NCAM2: variants seen among roughly 807,000 people sequenced by gnomAD.
NCAM2 encodes N-CAM-2.
Under a neutral mutation model 98.1 loss-of-function variants are expected in NCAM2, and 30 were observed. The ratio of observed to expected loss-of-function variants is 0.31; its 90% CI spans 0.23 to 0.41. The LOEUF is 0.41. NCAM2 is among the 10% of genes least tolerant of loss of function. NCAM2 has a pLI of 1.00. For missense variants in NCAM2, 867 were observed against 1,005.8 expected (o/e 0.86, Z 1.87); for synonymous variants, 368 against 342.4 (o/e 1.07, Z -0.83).
intron 1 of NCAM2, among the ~76,000 whole-genome samples, chr21:21,066,081 C>A (rs1451776857): frequency 6.6e-6 from 1 of 152,146 alleles, no homozygotes; most frequent in Non-Finnish European, 1.5e-5. Flanking sequence ...ATTGGAGACA[C>A]AAGGACGATA....
chr21:21,264,961 G>GTCTGTA (rs1568854824), intron 1 of NCAM2, among the ~76,000 whole-genome samples: 5 of 28,430 alleles, frequency 1.8e-4, no homozygotes, highest in East Asian at 3.0e-3. Context: ...ATGTGTATGT[G>GTCTGTA]TATATATACA....
intron 1 of NCAM2, among the ~76,000 whole-genome samples, chr21:21,058,210 GA>G (rs58161536): frequency 0.88 from 131,324 of 148,400 alleles, 58,429 homozygotes; most frequent in Middle Eastern, 0.96. Flanking sequence ...AAAGGGCAAA[GA>G]AAAAAAACAA....
intron 1 of NCAM2, among the ~76,000 whole-genome samples, chr21:21,133,831 G>A (rs1395610945): frequency 6.6e-6 from 1 of 152,092 alleles, no homozygotes; most frequent in Admixed American, 6.6e-5. Context: ...TTTCACTGGA[G>A]GAATAGGAAC....
At chr21:21,473,514 C>T (rs1335518700) in intron 14 of NCAM2, among the ~76,000 whole-genome samples, 1 of 150,858 alleles carries the variant, frequency 6.6e-6, no homozygotes, top group Non-Finnish European at 1.5e-5. Flanking sequence ...ACCATGCTAC[C>T]AGGGAATCCA....
chr21:21,335,505 G>T lies in NCAM2; in HGVS notation c.738G>T (p.Arg246Ser), dbSNP rs1412410001. Reference protein sequence around the residue: ...GSPEPAISWFRNGKLIEENEK... With the variant: ...GSPEPAISWFSNGKLIEENEK... ...GATGAACCTCTTTTTTCTTCTTTAG[G>T]AATGGCAAGCTCATTGAAGAAAATG... The change falls in exon 7 of 18, where the codon AGG (arginine) becomes AGT (serine). Residue 246 changes from arginine to serine, a missense_variant and splice_region_variant. Physicochemically the swap from Arg to Ser is moderately radical, Grantham distance 110. Coordinates refer to ENST00000400546, the MANE Select transcript of NCAM2 (RefSeq NM_004540.5). 4 of 1,578,530 alleles carry T rather than the reference G, an allele frequency of 2.5e-6. No individual in the cohort carries two copies. The highest frequency in any genetic ancestry group is 3.8e-5 in the Admixed American group (2 of 52,956).
In NCAM2 at chr21:21,534,081, C is replaced by T. The variant is rs374147406; in HGVS notation, c.2283-456C>T. Among the ~76,000 whole-genome samples the T allele has an allele frequency of 1.4e-4, 21 of 151,898 alleles. 1 individual carries two copies. The highest frequency in any genetic ancestry group is 4.3e-4 in the African/African-American group (18 of 41,514). On this transcript the variant is annotated intron_variant, in intron 16 of 17. Coordinates refer to ENST00000400546, the MANE Select transcript of NCAM2 (RefSeq NM_004540.5). ...TCTAAATTTTGAAATAAAAGCAACC[C>T]TTCTGAAGTATTTCAAATATTTTAA...
chr21:21,534,822 A>C (rs148221704), intron 17 of NCAM2, among the ~76,000 whole-genome samples, 166 bp downstream of exon 17: 1 of 152,098 alleles, frequency 6.6e-6, no homozygotes, highest in African/African-American at 2.4e-5. Flanking sequence ...TTTTCTAAGG[A>C]GACATTTTTC....
At chr21:21,026,664 G>T (rs191649344) in intron 1 of NCAM2, among the ~76,000 whole-genome samples, 384 of 151,986 alleles carry the variant, frequency 2.5e-3, no homozygotes, top group Non-Finnish European at 4.0e-3. Context: ...ATCTTTCCTG[G>T]ATATCACGTA....
At chr21:21,215,308 G>C (rs2069846856) in intron 1 of NCAM2, among the ~76,000 whole-genome samples, 1 of 152,264 alleles carries the variant, frequency 6.6e-6, no homozygotes, top group East Asian at 1.9e-4. Context: ...TCATAGAGAT[G>C]TTCTCATGTT....
intron 8 of NCAM2, among the ~76,000 whole-genome samples, chr21:21,364,612 ATG>A (rs1167653537): frequency 6.6e-6 from 1 of 152,076 alleles, no homozygotes; most frequent in East Asian, 1.9e-4. Context: ...ATATATACAC[ATG>A]TATATACATG....
chr21:21,140,678 A>T (rs1399338192), intron 1 of NCAM2, among the ~76,000 whole-genome samples: 1 of 152,134 alleles, frequency 6.6e-6, no homozygotes, highest in Non-Finnish European at 1.5e-5. Context: ...TGAAGAGCTT[A>T]TTCTTTGGTT....
At chr21:21,464,960 C>G (rs1315705320) in intron 12 of NCAM2, among the ~76,000 whole-genome samples, 2 of 152,076 alleles carry the variant, frequency 1.3e-5, no homozygotes, top group African/African-American at 4.8e-5. Flanking sequence ...CCCAATTGGC[C>G]TCCCTTAAAT....
chr21:21,062,659 C>G (rs60365705), intron 1 of NCAM2, among the ~76,000 whole-genome samples: 25,849 of 152,014 alleles, frequency 0.17, 2,413 homozygotes, highest in Non-Finnish European at 0.19. Flanking sequence ...TAATGGCAGT[C>G]CTAGCAAACG....
chr21:21,436,186 CAT>C (rs1470973635), intron 12 of NCAM2, among the ~76,000 whole-genome samples: 1 of 152,162 alleles, frequency 6.6e-6, no homozygotes, highest in Non-Finnish European at 1.5e-5. Context: ...ATTATTGAAA[CAT>C]ATGACATAGT....
At chr21:21,081,530 G>A (rs2065798787) in intron 1 of NCAM2, among the ~76,000 whole-genome samples, 1 of 152,156 alleles carries the variant, frequency 6.6e-6, no homozygotes, top group Non-Finnish European at 1.5e-5. Flanking sequence ...ACTGGGCATG[G>A]TGGCTCACGC....
chr21:21,298,588 CAGATAGATAGATAGATAGAT>C (rs58405004), intron 5 of NCAM2, among the ~76,000 whole-genome samples: 8 of 147,650 alleles, frequency 5.4e-5, no homozygotes, highest in South Asian at 4.3e-4. Context: ...ATGATAGATA[CAGATAGATAGATAGATAGAT>C]AGATAGATAG....
chr21:21,244,821 T>A (rs902906611), intron 1 of NCAM2, among the ~76,000 whole-genome samples: 2 of 120,460 alleles, frequency 1.7e-5, no homozygotes. Context: ...CACTCCTACC[T>A]GGGGACAGAG....
chr21:21,108,296 A>G (rs2066390220), intron 1 of NCAM2, among the ~76,000 whole-genome samples: 1 of 152,068 alleles, frequency 6.6e-6, no homozygotes. Flanking sequence ...AGAATTCTGC[A>G]GAGTGAGGCC....
rs939997799 is a variant in NCAM2, at chr21:21,542,398, T to G, written c.*4441T>G. 1 of 151,854 alleles carries G rather than the reference T, an allele frequency of 6.6e-6. No individual in the cohort carries two copies. Among genetic ancestry groups the G allele is most frequent in the Non-Finnish European group, 1.5e-5 (1 of 67,848 alleles). 9.4% of individuals were successfully genotyped at this position (151,854 alleles called of 1,614,324 possible). ...AAAAATAGTTTATTACTTTAGGATT[T>G]TATCTATAACATAAATATATTATTT... On this transcript the variant is annotated 3_prime_UTR_variant, in exon 18 of 18. Coordinates refer to ENST00000400546, the MANE Select transcript of NCAM2 (RefSeq NM_004540.5).
Sources: gnomAD v4.1 joint callset for allele counts (sites outside exome capture counted in the v4.1 genomes callset) on GRCh38, gnomAD v4.1.1 for gene constraint, MANE v1.5 for transcripts, NCBI Gene and HGNC (gene_info 2026-07-23, HGNC 2026-07-21) for gene names.